PCSK5: variants seen among roughly 807,000 people sequenced by gnomAD.
PCSK5 encodes proprotein convertase subtilisin/kexin type 5, also known as prohormone convertase 5.
A neutral mutation model predicts 233.2 loss-of-function variants in PCSK5; 129 were observed. That is an observed-to-expected ratio of 0.55 (90% confidence interval 0.48 to 0.64). The LOEUF is 0.64. Ranked by LOEUF, PCSK5 falls within the 30% of genes least tolerant of loss-of-function variation. The pLI is 0.00. For missense variants in PCSK5, 2,076 were observed against 2,430.1 expected, an observed-to-expected ratio of 0.85 and a Z score of 3.06; for synonymous variants, 825 against 879.2, an observed-to-expected ratio of 0.94 and a Z score of 1.09.
intron 24 of PCSK5, among the ~76,000 whole-genome samples, chr9:76,253,423 C>G (rs1826880693): frequency 6.6e-6 from 1 of 152,006 alleles, no homozygotes; most frequent in South Asian, 2.1e-4. Flanking sequence ...CCTCCCTGCC[C>G]CCTCATTGTC....
Position 76,351,509 on chromosome 9 carries a change from AAAGAAAGAAAGAAAGAAAGAAAGG to A in PCSK5, c.5067+585_5067+608del, listed in dbSNP as rs1375871122. Among the ~76,000 whole-genome samples, 113 of 122,516 alleles carry A rather than the reference AAAGAAAGAAAGAAAGAAAGAAAGG, an allele frequency of 9.2e-4. 14 individuals carry two copies. Among genetic ancestry groups the A allele is most frequent in the African/African-American group, 2.9e-3 (99 of 34,502 alleles). The allele number at this position is 122,516 out of a possible 152,430, so 80.4% of individuals were successfully genotyped here. A position where few individuals can be genotyped will look rare whatever the true frequency, so the allele number is the denominator to read the frequency against. On this transcript the variant is annotated intron_variant, in intron 36 of 37. Transcript: ENST00000674117. ...GAAAGAAAGAAAGAAAGAAAGAAAGAAAGAAAGAAAGAAAGAAAGAAAGGAAGGAAAGAAAGAGAAAGAAGAGAG... is the reference window on the plus strand; with the variant it reads ...GAAAGAAAGAAAGAAAGAAAGAAAGAAAGGAAAGAAAGAGAAAGAAGAGAG...
chr9:76,066,250 C>A (rs75216913), intron 5 of PCSK5, among the ~76,000 whole-genome samples: 2,688 of 152,186 alleles, frequency 0.018, 37 homozygotes, highest in East Asian at 0.069. Context: ...AATACTAATT[C>A]TTTCAGTCCA....
intron 2 of PCSK5, among the ~76,000 whole-genome samples, chr9:75,944,006 TA>T (rs1824442599): frequency 6.6e-6 from 1 of 151,454 alleles, no homozygotes; most frequent in South Asian, 2.1e-4. Context: ...CAACAAAAAA[TA>T]AAAAAATCAG....
chr9:76,347,486 G>A (rs1257364181), intron 35 of PCSK5, among the ~76,000 whole-genome samples: 1 of 152,190 alleles, frequency 6.6e-6, no homozygotes, highest in Non-Finnish European at 1.5e-5. Context: ...ATTAATTGGT[G>A]TAGGAGATGT....
intron 1 of PCSK5, among the ~76,000 whole-genome samples, chr9:75,906,325 A>G (rs1006787568): frequency 6.6e-6 from 1 of 152,098 alleles, no homozygotes; most frequent in South Asian, 2.1e-4. Context: ...TCCCGGGTTC[A>G]AGCAATTCTC....
intron 2 of PCSK5, among the ~76,000 whole-genome samples, chr9:75,954,881 G>C (rs760426091): frequency 1.3e-5 from 2 of 152,180 alleles, no homozygotes; most frequent in Non-Finnish European, 2.9e-5. Flanking sequence ...TGTAGTGGTT[G>C]CCTGTACGTC....
intron 32 of PCSK5, among the ~76,000 whole-genome samples, chr9:76,324,347 C>T (rs1339004712): frequency 6.6e-6 from 1 of 152,156 alleles, no homozygotes; most frequent in African/African-American, 2.4e-5. Flanking sequence ...TCTCCTGCCT[C>T]AGCCTCCTGA....
intron 1 of PCSK5, among the ~76,000 whole-genome samples, chr9:75,917,237 G>A (rs984615945): frequency 2.0e-5 from 3 of 151,732 alleles, no homozygotes; most frequent in Non-Finnish European, 4.4e-5. Context: ...GTGTTACATA[G>A]GATAAGACAG....
At chr9:76,184,213 C>G (rs891410889) in intron 16 of PCSK5, among the ~76,000 whole-genome samples, 39 of 152,146 alleles carry the variant, frequency 2.6e-4, no homozygotes, top group African/African-American at 9.2e-4. Flanking sequence ...TTCTCTAGTT[C>G]AGCTCAACTG....
chr9:76,036,682 A>G lies in PCSK5; in HGVS notation c.632+9645A>G, dbSNP rs146616065. On this transcript the variant is annotated intron_variant, in intron 5 of 37. Transcript: ENST00000674117. Reference sequence around the variant, plus strand: ...CATGTTGTCTCATTTACTACTCACAACAACCCACATTCAGAGAGAAGTCTA... The same window carrying G: ...CATGTTGTCTCATTTACTACTCACAGCAACCCACATTCAGAGAGAAGTCTA... Among the ~76,000 whole-genome samples the G allele has an allele frequency of 3.5e-4, 54 of 152,378 alleles. No homozygotes were observed. In the East Asian group the frequency reaches 9.6e-3, roughly 27 times the overall value.
At chr9:76,169,933 T>C (rs1466733279) in intron 13 of PCSK5, 93 bp downstream of exon 13, 1 of 972,422 alleles carries the variant, frequency 1.0e-6, no homozygotes, top group East Asian at 2.4e-5. Flanking sequence ...CATATTAGCA[T>C]CTTTTCTCAT....
chr9:76,186,041 C>T (rs1248344019), intron 17 of PCSK5, among the ~76,000 whole-genome samples: 1 of 151,966 alleles, frequency 6.6e-6, no homozygotes, highest in Non-Finnish European at 1.5e-5. Context: ...TTTAAATATG[C>T]CAGTAACCAC....
chr9:76,080,760 G>A (rs1830805095), intron 7 of PCSK5, among the ~76,000 whole-genome samples: 1 of 152,140 alleles, frequency 6.6e-6, no homozygotes, highest in Admixed American at 6.5e-5. Flanking sequence ...ATGTTGTAAG[G>A]ATTATATGAT....
chr9:75,903,120 T>C (rs567577018), intron 1 of PCSK5, among the ~76,000 whole-genome samples: 134 of 151,940 alleles, frequency 8.8e-4, no homozygotes, highest in African/African-American at 3.2e-3. Flanking sequence ...GCCCTTTAAA[T>C]ACGTATTTTA....
At chr9:76,008,594 T>A (rs1827585990) in intron 3 of PCSK5, among the ~76,000 whole-genome samples, 1 of 152,054 alleles carries the variant, frequency 6.6e-6, no homozygotes, top group Non-Finnish European at 1.5e-5. Context: ...CTTGAGTAGC[T>A]GAGATTACAA....
At chr9:76,094,278 C>T (rs1380554371) in intron 7 of PCSK5, among the ~76,000 whole-genome samples, 1 of 149,028 alleles carries the variant, frequency 6.7e-6, no homozygotes. Context: ...AATTCTAAGA[C>T]AGCATCCCCC....
chr9:76,333,626 C>T (rs2131486203), intron 34 of PCSK5, among the ~76,000 whole-genome samples: 1 of 152,246 alleles, frequency 6.6e-6, no homozygotes, highest in South Asian at 2.1e-4. Context: ...CAGGCATTCC[C>T]AGTAAAGAGT....
At chr9:75,928,044 CA>C (rs935246597) in intron 1 of PCSK5, among the ~76,000 whole-genome samples, 4 of 152,060 alleles carry the variant, frequency 2.6e-5, no homozygotes, top group African/African-American at 7.2e-5. Flanking sequence ...AGAAAAAGCA[CA>C]AAAACTTGAC....
chr9:76,007,141 G>A lies in PCSK5; in HGVS notation c.412-16597G>A, dbSNP rs569215650. ...GTTTTTATTTCTAATATAATTTAGC[G>A]TTCAGTTTATTTCCAGGGTTTAATC... On this transcript the variant is annotated intron_variant, in intron 3 of 37. Coordinates refer to ENST00000674117, the MANE Select transcript of PCSK5 (RefSeq NM_001372043.1). Among the ~76,000 whole-genome samples, 17 of 152,078 alleles carry A rather than the reference G, an allele frequency of 1.1e-4. No homozygotes were observed. In the South Asian group the frequency reaches 2.1e-3, roughly 19 times the overall value.
Sources: gnomAD v4.1 joint callset for allele counts (sites outside exome capture counted in the v4.1 genomes callset) on GRCh38, gnomAD v4.1.1 for gene constraint, MANE v1.5 for transcripts, NCBI Gene and HGNC (gene_info 2026-07-23, HGNC 2026-07-21) for gene names.